C8orf34: variants seen among roughly 807,000 people sequenced by gnomAD.
C8orf34 encodes the protein uncharacterized protein C8orf34.
A neutral mutation model predicts 68.3 loss-of-function variants in C8orf34; 65 were observed. The ratio of observed to expected loss-of-function variants is 0.95; its 90% CI spans 0.78 to 1.17. C8orf34 has a LOEUF of 1.17. Ranked by LOEUF, C8orf34 falls within the 50% of genes most tolerant of loss-of-function variation. The probability of loss-of-function intolerance (pLI) is 0.00; values close to 1 mark genes in which losing one functional copy is unlikely to be tolerated. For synonymous variants in C8orf34, 244 were observed against 241.2 expected (o/e 1.01, Z -0.11); for missense variants, 664 against 655.4 (o/e 1.01, Z -0.14).
intron 7 of C8orf34, among the ~76,000 whole-genome samples, chr8:68,605,809 A>T (rs1817837054): frequency 6.6e-6 from 1 of 152,256 alleles, no homozygotes; most frequent in African/African-American, 2.4e-5. Context: ...ATGTCATTAT[A>T]CATTTGTCCA....
At chr8:68,482,169 A>T (rs903195527) in intron 4 of C8orf34, among the ~76,000 whole-genome samples, 2 of 152,076 alleles carry the variant, frequency 1.3e-5, no homozygotes, top group South Asian at 4.1e-4. Flanking sequence ...GTTTATCAGG[A>T]GTTTCTGTTT....
chr8:68,499,425 T>C (rs1813670625), intron 5 of C8orf34, among the ~76,000 whole-genome samples: 1 of 152,124 alleles, frequency 6.6e-6, no homozygotes, highest in Admixed American at 6.5e-5. Flanking sequence ...ATAATGGAAA[T>C]GTGTTATAGC....
chr8:68,699,699 A>G (rs1198107297), intron 8 of C8orf34, among the ~76,000 whole-genome samples: 1 of 152,146 alleles, frequency 6.6e-6, no homozygotes, highest in Non-Finnish European at 1.5e-5. Context: ...CACAAAACAT[A>G]TCTATTCTCC....
At position 68,668,061 on chromosome 8, in the gene C8orf34, A is replaced by G. The variant is rs28550719; in HGVS notation, c.1241+27550A>G. On this transcript the variant is annotated intron_variant, in intron 8 of 13. Coordinates refer to ENST00000518698, the MANE Select transcript of C8orf34 (RefSeq NM_052958.4). ...AAATAATTGACAGCTCAGAAATTCT[A>G]GAAAATAATATAGATATTAAATAAT... Among the ~76,000 whole-genome samples the G allele has an allele frequency of 5.5e-3, 835 of 152,324 alleles. 10 individuals are homozygous for G. The highest frequency in any genetic ancestry group is 0.019 in the African/African-American group (798 of 41,584).
At chr8:68,761,447 C>T (rs1469245628) in intron 10 of C8orf34, among the ~76,000 whole-genome samples, 2 of 152,156 alleles carry the variant, frequency 1.3e-5, no homozygotes, top group South Asian at 2.1e-4. Flanking sequence ...AAATTGTCTC[C>T]CTGAAACTTT....
chr8:68,740,629 GC>G (rs1359419396), intron 10 of C8orf34, among the ~76,000 whole-genome samples: 6 of 152,098 alleles, frequency 3.9e-5, no homozygotes, highest in African/African-American at 1.4e-4. Context: ...ATGCTTATAT[GC>G]TGTTGGTGGG....
chr8:68,615,726 A>G (rs1304658896), intron 7 of C8orf34, among the ~76,000 whole-genome samples: 1 of 152,212 alleles, frequency 6.6e-6, no homozygotes, highest in Non-Finnish European at 1.5e-5. Flanking sequence ...ATCAATATTC[A>G]TCAAGGATAT....
intron 1 of C8orf34, among the ~76,000 whole-genome samples, chr8:68,406,508 T>TGAGA (rs550226233): frequency 6.6e-6 from 1 of 150,998 alleles, no homozygotes; most frequent in African/African-American, 2.4e-5. Flanking sequence ...TTATTATTAT[T>TGAGA]GAGAGAGAGA....
chr8:68,659,925 T>C (rs189700855), intron 8 of C8orf34, among the ~76,000 whole-genome samples: 1 of 152,310 alleles, frequency 6.6e-6, no homozygotes, highest in African/African-American at 2.4e-5. Context: ...CAATTGCGAA[T>C]GACAAAATAT....
At chr8:68,807,623 G>T (rs12679267) in intron 12 of C8orf34, among the ~76,000 whole-genome samples, 37,698 of 151,804 alleles carry the variant, frequency 0.25, 5,158 homozygotes, top group East Asian at 0.47. Flanking sequence ...CTATTCTTTG[G>T]TGTTTTTTCT....
At chr8:68,502,209 G>A (rs1489393070) in intron 5 of C8orf34, among the ~76,000 whole-genome samples, 8 of 152,174 alleles carry the variant, frequency 5.3e-5, no homozygotes, top group African/African-American at 9.7e-5. Context: ...GGGATTACAG[G>A]CGCACGCCAC....
chr8:68,406,557 C>T (rs982569035), intron 1 of C8orf34, among the ~76,000 whole-genome samples: 2 of 151,888 alleles, frequency 1.3e-5, no homozygotes, highest in Admixed American at 6.6e-5. Flanking sequence ...AGTGCAGTGG[C>T]GTGATCTCAG....
chr8:68,490,854 C>T (rs1267275684), intron 5 of C8orf34, among the ~76,000 whole-genome samples: 1 of 152,128 alleles, frequency 6.6e-6, no homozygotes, highest in African/African-American at 2.4e-5. Flanking sequence ...CCATAGCACC[C>T]TCTGGTGACC....
At chr8:68,773,702 C>A (rs1585861514) in intron 10 of C8orf34, among the ~76,000 whole-genome samples, 1 of 152,136 alleles carries the variant, frequency 6.6e-6, no homozygotes, top group South Asian at 2.1e-4. Flanking sequence ...GAGTCTTTTG[C>A]TTTATGCTCC....
intron 1 of C8orf34, among the ~76,000 whole-genome samples, chr8:68,341,641 T>G (rs1279929101): frequency 6.6e-6 from 1 of 151,982 alleles, no homozygotes; most frequent in African/African-American, 2.4e-5. Context: ...AGGAGTGAGT[T>G]CTCATGAGAT....
At chr8:68,814,182 C>G (rs1824739602) in intron 12 of C8orf34, among the ~76,000 whole-genome samples, 1 of 152,198 alleles carries the variant, frequency 6.6e-6, no homozygotes, top group African/African-American at 2.4e-5. Flanking sequence ...AGTTCTCAAA[C>G]AAGCAGTATC....
intron 7 of C8orf34, among the ~76,000 whole-genome samples, chr8:68,613,178 T>A (rs996689236): frequency 2.6e-5 from 4 of 152,168 alleles, no homozygotes; most frequent in South Asian, 2.1e-4. Flanking sequence ...CATACATTGT[T>A]GAAATTAAAC....
chr8:68,792,410 A>C (rs1350841458), intron 12 of C8orf34: 1 of 151,902 alleles, frequency 6.6e-6, no homozygotes, highest in Non-Finnish European at 1.5e-5. Flanking sequence ...GTCTCTACTA[A>C]AAATACAAAA....
At chr8:68,518,063 T>C (rs1814593524) in intron 5 of C8orf34, among the ~76,000 whole-genome samples, 1 of 152,166 alleles carries the variant, frequency 6.6e-6, no homozygotes, top group African/African-American at 2.4e-5. Flanking sequence ...TTGAATACAG[T>C]TCACACTCTT....
Sources: gnomAD v4.1 joint callset for allele counts (sites outside exome capture counted in the v4.1 genomes callset) on GRCh38, gnomAD v4.1.1 for gene constraint, MANE v1.5 for transcripts, NCBI Gene and HGNC (gene_info 2026-07-23, HGNC 2026-07-21) for gene names.